Variants in DNAAF9 observed in about 807,000 individuals in gnomAD.
DNAAF9 encodes dynein axonemal assembly factor 9, also known as shulin.
DNAAF9 carries 90 observed loss-of-function variants against 167.0 expected under a neutral mutation model. The observed-to-expected ratio is 0.54, with a 90% CI of 0.45 to 0.64. DNAAF9 has a LOEUF of 0.64. DNAAF9 is among the 30% of genes least tolerant of loss of function. The pLI, the probability that DNAAF9 is intolerant of heterozygous loss-of-function variation, is 0.00. For missense variants in DNAAF9, 1,315 were observed against 1,442.2 expected (o/e 0.91, Z 1.43); for synonymous variants, 491 against 508.8 (o/e 0.96, Z 0.47).
In DNAAF9 at chr20:3,322,193, C is replaced by T. The variant is rs780583033; in HGVS notation, c.1356+24G>A. On this transcript the variant is annotated intron_variant, in intron 16 of 36. Transcript: ENST00000252032. ...CCCTCTACAGGCCATTCCCAGCCAG[C>T]TGACCCATGATAGCTCTGCTTACCG... The T allele has an allele frequency of 1.4e-4, 226 of 1,591,892 alleles. 1 individual carries two copies. Among genetic ancestry groups the T allele is most frequent in the South Asian group, 8.7e-4 (77 of 88,876 alleles).
chr20:3,345,439 T>A (rs1414462032), intron 8 of DNAAF9, among the ~76,000 whole-genome samples: 2 of 152,194 alleles, frequency 1.3e-5, no homozygotes, highest in Non-Finnish European at 2.9e-5. Context: ...TCTCTAGAGA[T>A]GAGTTGACAA....
At chr20:3,346,593 C>A (rs768010997) in intron 8 of DNAAF9, among the ~76,000 whole-genome samples, 1 of 152,008 alleles carries the variant, frequency 6.6e-6, no homozygotes, top group Non-Finnish European at 1.5e-5. Context: ...ATATGCTACC[C>A]TTCAATGTTA....
At position 3,298,029 on chromosome 20, in the gene DNAAF9, C is replaced by T; in HGVS notation, c.1929G>A (p.Glu643=). The T allele has an allele frequency of 6.2e-7, 1 of 1,611,388 alleles. No individual in the cohort carries two copies. The highest frequency in any genetic ancestry group is 8.5e-7 in the Non-Finnish European group (1 of 1,177,658). The part of the protein sequence containing the change: ...KSKIYQAFYS[E]VFSLWKQQDN... ...TTTGCTGAATAATGACTGATATTAC[C>T]TCTGAGTAAAATGCTTGGTATATCT... The change falls in exon 22 of 37, where the codon GAG becomes GAA. Residue 643 remains glutamate, a splice_region_variant and synonymous_variant. Transcript: ENST00000252032.
At chr20:3,287,292 T>C (rs1026020162) in intron 27 of DNAAF9, among the ~76,000 whole-genome samples, 1 of 152,198 alleles carries the variant, frequency 6.6e-6, no homozygotes, top group Non-Finnish European at 1.5e-5. Context: ...GAGGGAGGAC[T>C]GAAACAGATG....
intron 10 of DNAAF9, 71 bp downstream of exon 10, chr20:3,340,433 T>TCCGGGGGGGGGGCCCCCCCCCCCCC: frequency 1.4e-5 from 3 of 221,212 alleles, no homozygotes; most frequent in Non-Finnish European, 1.9e-5. Flanking sequence ...TTTGTCTAGC[T>TCCGGGGGGGGGGCCCCCCCCCCCCC]CCCCCCACCC....
chr20:3,404,335 C>T (rs1216505583), intron 1 of DNAAF9, among the ~76,000 whole-genome samples: 2 of 152,142 alleles, frequency 1.3e-5, no homozygotes, highest in Non-Finnish European at 2.9e-5. Context: ...CGTGCCCAGC[C>T]TGATTACTAG....
At chr20:3,299,157 T>C (rs1429120867) in intron 21 of DNAAF9, among the ~76,000 whole-genome samples, 2 of 151,982 alleles carry the variant, frequency 1.3e-5, no homozygotes, top group Admixed American at 1.3e-4. Context: ...TCCGCCCGCC[T>C]TGGCCTCCCA....
Position 3,315,888 on chromosome 20 carries a change from G to A in DNAAF9, c.1540-103C>T. On this transcript the variant is annotated intron_variant, in intron 18 of 36. Transcript: ENST00000252032. This position sits in a 1 kb window ranked among gnomAD's most constrained non-coding sequence, Gnocchi z 4.1. ...ATATTTCCAGGACACTGGCTGGACA[G>A]TCCTTCCACCATGTCCATGTCCAGT... is the stretch of plus-strand genomic sequence containing the variant. The A allele has an allele frequency of 1.1e-6, 1 of 891,410 alleles. No individual in the cohort carries two copies. The highest frequency in any genetic ancestry group is 1.3e-5 in the South Asian group (1 of 75,476). 55.2% of individuals were successfully genotyped at this position (891,410 alleles called of 1,614,324 possible).
chr20:3,406,706 G>C lies in DNAAF9; in HGVS notation c.83+769C>G, dbSNP rs540343448. On this transcript the variant is annotated intron_variant, in intron 1 of 36. Transcript: ENST00000252032. ...AGGTAGCTTGGGACTGTGTCTCTAC[G>C]GTAAGGGGCCTGGCGTCCGCCGCTT... is the stretch of plus-strand genomic sequence containing the variant. 2.4e-4 allele frequency among the ~76,000 whole-genome samples: 36 copies of C among 152,246 alleles called. No individual in the cohort carries two copies. In the South Asian group the frequency reaches 3.7e-3, roughly 16 times the overall value.
chr20:3,356,199 G>C (rs2083284549), intron 7 of DNAAF9, among the ~76,000 whole-genome samples: 1 of 152,034 alleles, frequency 6.6e-6, no homozygotes, highest in Non-Finnish European at 1.5e-5. Context: ...TGTATTTTTA[G>C]TAGAGATGAG....
chr20:3,296,754 C>G (rs2069087365), intron 23 of DNAAF9, 107 bp downstream of exon 23: 1 of 736,466 alleles, frequency 1.4e-6, no homozygotes, highest in African/African-American at 1.8e-5. Flanking sequence ...TGTGTTGACC[C>G]TTTCAGAAGC....
chr20:3,396,369 T>C (rs2083906970), intron 1 of DNAAF9, among the ~76,000 whole-genome samples: 1 of 152,226 alleles, frequency 6.6e-6, no homozygotes, highest in Admixed American at 6.5e-5. Flanking sequence ...TTCAACTCAT[T>C]AATTCATCAA....
At chr20:3,254,631 T>C (rs566692714) in intron 35 of DNAAF9, among the ~76,000 whole-genome samples, 4 of 152,322 alleles carry the variant, frequency 2.6e-5, no homozygotes, top group South Asian at 2.1e-4. Context: ...CAGGGGCTCC[T>C]GGAGTCCCAG....
chr20:3,281,079 G>A (rs2068757032), intron 28 of DNAAF9, among the ~76,000 whole-genome samples: 2 of 150,906 alleles, frequency 1.3e-5, no homozygotes, highest in Admixed American at 1.3e-4. Flanking sequence ...CCCAGGCTGG[G>A]GTGCAGTGGC....
chr20:3,363,269 TTTTTG>T (rs969698676), intron 6 of DNAAF9, among the ~76,000 whole-genome samples: 42 of 142,204 alleles, frequency 3.0e-4, no homozygotes, highest in Admixed American at 8.0e-4. Context: ...AAAGCAAACT[TTTTTG>T]TTTTGTTTTG....
In DNAAF9 at chr20:3,252,368, G is replaced by A. The variant is rs528254441; in HGVS notation, c.*204C>T. On this transcript the variant is annotated 3_prime_UTR_variant, in exon 37 of 37. Coordinates refer to ENST00000252032, the MANE Select transcript of DNAAF9 (RefSeq NM_001009984.3). ...TCTGCTCATCCTTGAGTATTCCCCC[G>A]ACCCCCAAAATCAATGGTGCAGGTG... 189 of 488,768 alleles carry A rather than the reference G, an allele frequency of 3.9e-4. 1 individual carries two copies. The highest frequency in any genetic ancestry group is 3.7e-3 in the South Asian group (148 of 39,876). 30.3% of individuals were successfully genotyped at this position (488,768 alleles called of 1,614,324 possible).
intron 7 of DNAAF9, among the ~76,000 whole-genome samples, chr20:3,357,075 T>C (rs569623517): frequency 6.6e-6 from 1 of 152,382 alleles, no homozygotes; most frequent in Non-Finnish European, 1.5e-5. Context: ...CCTTACTCTT[T>C]TCCCCTTCTT....
chr20:3,373,914 C>A, intron 6 of DNAAF9, 134 bp downstream of exon 6: 1 of 610,856 alleles, frequency 1.6e-6, no homozygotes, highest in Middle Eastern at 2.7e-4. Context: ...CATTTCAAGT[C>A]TCCTAACTTG....
At chr20:3,329,379 G>A (rs2069777884) in intron 12 of DNAAF9, among the ~76,000 whole-genome samples, 1 of 152,192 alleles carries the variant, frequency 6.6e-6, no homozygotes, top group African/African-American at 2.4e-5. Flanking sequence ...GGCTAGTCTC[G>A]AATTCCTGGG....
Sources: allele counts gnomAD v4.1 joint callset (sites outside exome capture counted in the v4.1 genomes callset), GRCh38; gene constraint gnomAD v4.1.1; non-coding constraint Gnocchi (gnomAD v3.1); transcripts MANE v1.5; gene names NCBI Gene and HGNC (gene_info 2026-07-23, HGNC 2026-07-21).